Variants in CDK14 observed in about 807,000 individuals in gnomAD.
CDK14 encodes cyclin dependent kinase 14.
In CDK14, 34 loss-of-function variants were observed where a neutral mutation model predicts 60.7. The ratio of observed to expected loss-of-function variants is 0.56; its 90% confidence interval spans 0.43 to 0.75. The LOEUF is 0.75. Ranked by LOEUF, CDK14 falls within the 30% of genes least tolerant of loss-of-function variation. CDK14 has a pLI of 0.00. For synonymous variants in CDK14, 197 were observed against 203.7 expected (o/e 0.97, Z 0.28); for missense variants, 482 against 564.1 (o/e 0.85, Z 1.47).
rs568176145 is a variant in CDK14, at chr7:90,638,535, C to G, written c.123+34286C>G. On this transcript the variant is annotated intron_variant, in intron 2 of 14. Coordinates refer to ENST00000380050, the MANE Select transcript of CDK14 (RefSeq NM_001287135.2). ...TGATGGGCTTCCCTTTGTGGGTAAC[C>G]TGACCTTTGTCTCTGGCTGCCCTTA... is the stretch of plus-strand genomic sequence containing the variant. 7.9e-5 allele frequency among the ~76,000 whole-genome samples: 12 copies of G among 152,308 alleles called. No homozygotes were observed. The South Asian group carries it at 2.5e-3, about 32-fold the overall frequency.
intron 7 of CDK14, among the ~76,000 whole-genome samples, chr7:90,916,141 A>G (rs374379365): frequency 6.6e-6 from 1 of 152,146 alleles, no homozygotes; most frequent in South Asian, 2.1e-4. Flanking sequence ...AAGGAGTATG[A>G]ATTTTCTTAG....
At chr7:90,667,261 A>G (rs1018261240) in intron 2 of CDK14, among the ~76,000 whole-genome samples, 10 of 152,184 alleles carry the variant, frequency 6.6e-5, no homozygotes, top group Non-Finnish European at 1.0e-4. Flanking sequence ...CTTGGCTAAT[A>G]CCCAGCCCGT....
At chr7:90,979,600 C>G (rs1434469657) in intron 9 of CDK14, 1 of 152,124 alleles carries the variant, frequency 6.6e-6, no homozygotes, top group African/African-American at 2.4e-5. Flanking sequence ...AACAACAGTC[C>G]TAAAAGTTTA....
chr7:90,825,645 T>C (rs945898446), intron 5 of CDK14, among the ~76,000 whole-genome samples: 1 of 152,214 alleles, frequency 6.6e-6, no homozygotes, highest in Non-Finnish European at 1.5e-5. Context: ...TTAAAAAATA[T>C]GGCATGTTAT....
intron 14 of CDK14, among the ~76,000 whole-genome samples, chr7:91,150,617 C>G (rs992652327): frequency 2.0e-5 from 3 of 152,080 alleles, no homozygotes; most frequent in African/African-American, 7.2e-5. Flanking sequence ...AGAATTTGGC[C>G]TTTACTCCAT....
At chr7:90,653,823 C>G (rs186473308) in intron 2 of CDK14, among the ~76,000 whole-genome samples, 2 of 152,152 alleles carry the variant, frequency 1.3e-5, no homozygotes, top group Admixed American at 1.3e-4. Context: ...CCTTCTCCCC[C>G]CACCTGATGA....
At chr7:90,963,104 T>A (rs1794651527) in intron 9 of CDK14, among the ~76,000 whole-genome samples, 1 of 151,234 alleles carries the variant, frequency 6.6e-6, no homozygotes, top group Admixed American at 6.6e-5. Flanking sequence ...TGTGTGTGTG[T>A]GTGTGTGTGT....
intron 10 of CDK14, among the ~76,000 whole-genome samples, chr7:91,023,307 C>T (rs1182728142): frequency 6.6e-6 from 1 of 152,032 alleles, no homozygotes; most frequent in African/African-American, 2.4e-5. Context: ...ACCATAAACC[C>T]TAAGTTTGGT....
chr7:90,746,221 T>G (rs966348426), intron 3 of CDK14, among the ~76,000 whole-genome samples: 13 of 152,212 alleles, frequency 8.5e-5, no homozygotes, highest in African/African-American at 2.9e-4. Context: ...TTGGCACTCT[T>G]TTTTGTTTTC....
chr7:91,051,101 A>G (rs1465492644), intron 11 of CDK14, among the ~76,000 whole-genome samples: 3 of 152,252 alleles, frequency 2.0e-5, no homozygotes, highest in Non-Finnish European at 4.4e-5. Flanking sequence ...ACAGTAATAC[A>G]CACAAATATT....
intron 5 of CDK14, among the ~76,000 whole-genome samples, chr7:90,826,971 A>T (rs202194148): frequency 9.5e-6 from 1 of 105,072 alleles, no homozygotes; most frequent in Admixed American, 9.8e-5. Flanking sequence ...ATGTATTTAC[A>T]TATCTACATG....
At chr7:90,759,954 C>G (rs1175282409) in intron 4 of CDK14, among the ~76,000 whole-genome samples, 1 of 152,136 alleles carries the variant, frequency 6.6e-6, no homozygotes. Context: ...AGCCTGCCCA[C>G]ACTGGTTTGT....
intron 3 of CDK14, among the ~76,000 whole-genome samples, chr7:90,747,389 A>G (rs1423170208): frequency 6.6e-6 from 1 of 152,204 alleles, no homozygotes; most frequent in Non-Finnish European, 1.5e-5. Flanking sequence ...TCATTTATGT[A>G]AGAAAGCAAT....
chr7:90,935,578 A>G (rs1449902890), intron 8 of CDK14, among the ~76,000 whole-genome samples: 3 of 152,244 alleles, frequency 2.0e-5, no homozygotes, highest in Admixed American at 6.5e-5. Flanking sequence ...CAGTAGCTAT[A>G]AATTCCTTAA....
chr7:91,048,859 C>T (rs1562882341), intron 11 of CDK14, among the ~76,000 whole-genome samples: 2 of 151,648 alleles, frequency 1.3e-5, no homozygotes, highest in Admixed American at 6.6e-5. Flanking sequence ...TTTTTTTAAA[C>T]CTATTTCTAG....
intron 5 of CDK14, among the ~76,000 whole-genome samples, chr7:90,832,066 A>AT (rs923983144): frequency 2.0e-5 from 3 of 151,300 alleles, no homozygotes; most frequent in South Asian, 2.1e-4. Context: ...ACATCTGATC[A>AT]TTTTTTTCTG....
intron 12 of CDK14, among the ~76,000 whole-genome samples, chr7:91,093,165 A>T (rs895722840): frequency 2.0e-5 from 3 of 152,136 alleles, no homozygotes; most frequent in South Asian, 2.1e-4. Flanking sequence ...ACTGGTTCAG[A>T]TGTGTGCGTG....
rs59773768 is a variant in CDK14, at chr7:90,668,699, C to CTTTTTTTTTTTTTTTT, written c.124-57856_124-57841dup. 1.6e-4 allele frequency among the ~76,000 whole-genome samples: 14 copies of CTTTTTTTTTTTTTTTT among 87,538 alleles called. 5 individuals are homozygous for CTTTTTTTTTTTTTTTT. Among genetic ancestry groups the CTTTTTTTTTTTTTTTT allele is most frequent in the African/African-American group, 3.0e-4 (7 of 23,110 alleles). The allele number at this position is 87,538 out of a possible 152,430, so 57.4% of individuals were successfully genotyped here. ...TATGGTGTAAGGAAGGACTCGCATT[C>CTTTTTTTTTTTTTTTT]TTTTTTTTTTTTTTTTTTTTTTTTT... On this transcript the variant is annotated intron_variant, in intron 2 of 14. Transcript: ENST00000380050.
At chr7:90,881,597 A>G (rs1253981843) in intron 6 of CDK14, among the ~76,000 whole-genome samples, 1 of 152,168 alleles carries the variant, frequency 6.6e-6, no homozygotes, top group Non-Finnish European at 1.5e-5. Flanking sequence ...CACCACTAAG[A>G]TACTCCATGA....
Sources: gnomAD v4.1 joint callset for allele counts (sites outside exome capture counted in the v4.1 genomes callset) on GRCh38, gnomAD v4.1.1 for gene constraint, MANE v1.5 for transcripts, NCBI Gene and HGNC (gene_info 2026-07-23, HGNC 2026-07-21) for gene names.